ZEB1: variants seen among roughly 807,000 people sequenced by gnomAD.
The protein encoded by ZEB1 is zinc finger E-box-binding homeobox 1.
In ZEB1, 21 loss-of-function variants were observed where a neutral mutation model predicts 84.9. That is an observed-to-expected ratio of 0.25 (90% confidence interval 0.18 to 0.36). The LOEUF is 0.36. Among genes scored for constraint, ZEB1 ranks in the 10% least tolerant of loss-of-function variants. The probability of loss-of-function intolerance (pLI) is 1.00; values close to 1 mark genes in which losing one functional copy is unlikely to be tolerated. For missense variants in ZEB1, 1,104 were observed against 1,330.2 expected, an observed-to-expected ratio of 0.83 and a Z score of 2.65; for synonymous variants, 420 against 471.1, an observed-to-expected ratio of 0.89 and a Z score of 1.41.
intron 1 of ZEB1, among the ~76,000 whole-genome samples, chr10:31,407,737 C>T (rs1214855514): frequency 1.5e-4 from 22 of 151,690 alleles, no homozygotes; most frequent in African/African-American, 3.2e-4. Context: ...ATTGATGGGA[C>T]GTATCTCAAA....
rs1554831478 is a variant in ZEB1, at chr10:31,382,021, A to AAACAAAAC, written c.58+62731_58+62732insCAAAACAA. ...GAGACTGTCTCAAAAAAAAAAAAAA[A>AAACAAAAC]AAAAAAAAAAAAACAAAGTAAATTT... On this transcript the variant is annotated intron_variant, in intron 1 of 8. Coordinates refer to ENST00000424869, the MANE Select transcript of ZEB1 (RefSeq NM_001174096.2). Among the ~76,000 whole-genome samples, 1,496 of 149,938 alleles carry AAACAAAAC rather than the reference A, an allele frequency of 1.0e-2. 32 individuals carry two copies. The highest frequency in any genetic ancestry group is 0.035 in the African/African-American group (1,399 of 40,064).
Position 31,321,081 on chromosome 10 carries a change from T to C in ZEB1, c.58+1789T>C, listed in dbSNP as rs1033444778. The C allele has an allele frequency of 1.2e-5, 11 of 939,864 alleles. No homozygotes were observed. The African/African-American group carries it at 1.8e-4, about 15-fold the overall frequency. The allele number at this position is 939,864 out of a possible 1,614,324, so 58.2% of individuals were successfully genotyped here. Reference sequence around the variant, plus strand: ...TCGAGAAAACGAGGAAATACGTGTTTAGGAGAAAACTCTCTCGTGCTCCCC... The same window carrying C: ...TCGAGAAAACGAGGAAATACGTGTTCAGGAGAAAACTCTCTCGTGCTCCCC... On this transcript the variant is annotated intron_variant, in intron 1 of 8. Coordinates refer to ENST00000424869, the MANE Select transcript of ZEB1 (RefSeq NM_001174096.2).
chr10:31,343,775 A>G (rs561122698), intron 1 of ZEB1, among the ~76,000 whole-genome samples: 16 of 152,216 alleles, frequency 1.1e-4, no homozygotes, highest in Non-Finnish European at 1.8e-4. Context: ...AGCAGATGAA[A>G]TACTACTAAG....
chr10:31,480,061 A>G (rs1350886810), intron 2 of ZEB1, among the ~76,000 whole-genome samples: 1 of 152,006 alleles, frequency 6.6e-6, no homozygotes, highest in Non-Finnish European at 1.5e-5. Flanking sequence ...TTCAGTTTTT[A>G]AAACATATAT....
intron 2 of ZEB1, among the ~76,000 whole-genome samples, chr10:31,474,466 A>G (rs2063767324): frequency 6.6e-6 from 1 of 152,222 alleles, no homozygotes; most frequent in African/African-American, 2.4e-5. Context: ...AAAAATGCTC[A>G]TCATCACTGG....
intron 1 of ZEB1, chr10:31,363,901 A>G (rs4016973): frequency 2.3e-6 from 3 of 1,312,288 alleles, no homozygotes; most frequent in African/African-American, 3.0e-5. Flanking sequence ...GAAACGGCCC[A>G]CAATTCCCCG....
At chr10:31,375,719 G>T (rs139247686) in intron 1 of ZEB1, among the ~76,000 whole-genome samples, 1 of 151,664 alleles carries the variant, frequency 6.6e-6, no homozygotes, top group Non-Finnish European at 1.5e-5. Flanking sequence ...AATGAGTTGC[G>T]AATTACAGTG....
chr10:31,471,443 A>G (rs974442042), intron 2 of ZEB1, among the ~76,000 whole-genome samples: 3 of 151,738 alleles, frequency 2.0e-5, no homozygotes, highest in Non-Finnish European at 4.4e-5. Context: ...ACCTTAAACC[A>G]ATAAAGATCA....
At chr10:31,475,870 G>A (rs754911363) in intron 2 of ZEB1, among the ~76,000 whole-genome samples, 9 of 151,944 alleles carry the variant, frequency 5.9e-5, no homozygotes, top group Non-Finnish European at 1.0e-4. Flanking sequence ...CAATAAAGCA[G>A]TTACACAACT....
intron 3 of ZEB1, among the ~76,000 whole-genome samples, chr10:31,502,078 A>G (rs1339876406): frequency 6.6e-6 from 1 of 152,222 alleles, no homozygotes; most frequent in Non-Finnish European, 1.5e-5. Context: ...GTGTTTTATT[A>G]GTAAAATGCA....
intron 1 of ZEB1, chr10:31,373,315 A>G: frequency 1.3e-6 from 1 of 785,054 alleles, no homozygotes; most frequent in South Asian, 5.8e-5. Context: ...TCTGTCACTT[A>G]TATTTTAATA....
intron 3 of ZEB1, 100 bp downstream of exon 3, chr10:31,495,938 C>G (rs2067163425): frequency 8.0e-7 from 1 of 1,255,696 alleles, no homozygotes; most frequent in South Asian, 1.2e-5. Context: ...CCGTTTCCTT[C>G]TCTTTTATCT....
At chr10:31,492,772 A>T (rs1312098655) in intron 2 of ZEB1, among the ~76,000 whole-genome samples, 1 of 151,904 alleles carries the variant, frequency 6.6e-6, no homozygotes, top group African/African-American at 2.4e-5. Context: ...TTATCCTGCA[A>T]ATGATAGTAA....
intron 4 of ZEB1, among the ~76,000 whole-genome samples, chr10:31,507,699 C>T (rs1330649926): frequency 6.6e-6 from 1 of 151,858 alleles, no homozygotes; most frequent in African/African-American, 2.4e-5. Context: ...ATACTTACCT[C>T]TTTGGTAAAT....
chr10:31,480,681 G>T (rs556140901), intron 2 of ZEB1, among the ~76,000 whole-genome samples: 1 of 152,182 alleles, frequency 6.6e-6, no homozygotes, highest in South Asian at 2.1e-4. Flanking sequence ...TAATGAAGGA[G>T]TGTAGGCTTT....
intron 1 of ZEB1, among the ~76,000 whole-genome samples, chr10:31,445,133 C>A (rs1166109098): frequency 7.3e-6 from 1 of 136,492 alleles, no homozygotes; most frequent in Non-Finnish European, 1.5e-5. Flanking sequence ...TCCTTCACGT[C>A]CCTTGTAAGT....
chr10:31,482,896 C>A (rs1174997030), intron 2 of ZEB1, among the ~76,000 whole-genome samples: 1 of 152,056 alleles, frequency 6.6e-6, no homozygotes, highest in Non-Finnish European at 1.5e-5. Context: ...TTGTCCCATT[C>A]TGTTAGCCTA....
chr10:31,389,990 C>T (rs1225174406), intron 1 of ZEB1, among the ~76,000 whole-genome samples: 1 of 152,068 alleles, frequency 6.6e-6, no homozygotes, highest in Non-Finnish European at 1.5e-5. Context: ...TCATTTTAGC[C>T]TCATACATGC....
intron 1 of ZEB1, among the ~76,000 whole-genome samples, chr10:31,432,649 T>A (rs2057858325): frequency 6.6e-6 from 1 of 152,204 alleles, no homozygotes. Context: ...CCTTATTAAA[T>A]TCTACAATTC....
Sources: allele counts gnomAD v4.1 joint callset (sites outside exome capture counted in the v4.1 genomes callset), GRCh38; gene constraint gnomAD v4.1.1; transcripts MANE v1.5; gene names NCBI Gene and HGNC (gene_info 2026-07-23, HGNC 2026-07-21).